ATP13A5: variants seen among roughly 807,000 people sequenced by gnomAD.
The protein encoded by ATP13A5 is ATPase 13A5.
ATP13A5 carries 149 observed loss-of-function variants against 150.2 expected under a neutral mutation model. The observed-to-expected ratio is 0.99, with a 90% CI of 0.87 to 1.14. The LOEUF is 1.14. Among genes scored for constraint, ATP13A5 ranks in the 50% most tolerant of loss-of-function variants. The pLI is 0.00. For synonymous variants in ATP13A5, 497 were observed against 522.2 expected, an observed-to-expected ratio of 0.95 and a Z score of 0.66; for missense variants, 1,383 against 1,449.3, an observed-to-expected ratio of 0.95 and a Z score of 0.74.
intron 1 of ATP13A5, among the ~76,000 whole-genome samples, chr3:193,370,125 C>A (rs1713389939): frequency 6.6e-6 from 1 of 152,192 alleles, no homozygotes; most frequent in Non-Finnish European, 1.5e-5. Context: ...TGTTCCTTTA[C>A]ATTTTTGTTT....
At chr3:193,344,961 T>A (rs765166993) in intron 8 of ATP13A5, 42 bp downstream of exon 8, 1 of 1,540,230 alleles carries the variant, frequency 6.5e-7, no homozygotes, top group South Asian at 1.1e-5. Context: ...AATTCCCCCC[T>A]GAAATATTAA....
intron 10 of ATP13A5, 88 bp from the exon 11 acceptor site, chr3:193,333,995 G>T (rs1200599021): frequency 1.6e-6 from 2 of 1,245,862 alleles, no homozygotes; most frequent in African/African-American, 1.5e-5. Flanking sequence ...GAGGAAAAGA[G>T]TAGAGTGTCC....
chr3:193,352,241 T>C (rs1237265144), intron 6 of ATP13A5, among the ~76,000 whole-genome samples: 2 of 152,244 alleles, frequency 1.3e-5, no homozygotes, highest in African/African-American at 2.4e-5. Context: ...TTAAAAAAGA[T>C]TTTGTTCCTT....
chr3:193,327,340 G>A (rs959411318), intron 12 of ATP13A5, among the ~76,000 whole-genome samples: 6 of 152,180 alleles, frequency 3.9e-5, no homozygotes, highest in Non-Finnish European at 5.9e-5. Context: ...GTATTGCTAT[G>A]ACCGTTGCTG....
chr3:193,285,238 T>TAC lies in ATP13A5; in HGVS notation c.3024-124_3024-123dup, dbSNP rs1030591380. Reference sequence around the variant, plus strand: ...CTTTCAAACTATGTCAGCCAGTAACTACCAAGACATACTTTGTTCACCTCT... The same window carrying TAC: ...CTTTCAAACTATGTCAGCCAGTAACTACACCAAGACATACTTTGTTCACCTCT... On this transcript the variant is annotated intron_variant, in intron 26 of 29. Transcript: ENST00000342358. 4 of 727,610 alleles carry TAC rather than the reference T, an allele frequency of 5.5e-6. No individual in the cohort carries two copies. The African/African-American group carries it at 7.2e-5, about 13-fold the overall frequency. 45.1% of individuals were successfully genotyped at this position (727,610 alleles called of 1,614,324 possible). A position where few individuals can be genotyped will look rare whatever the true frequency, so the allele number is the denominator to read the frequency against.
At chr3:193,310,758 A>C (rs1324032179) in intron 20 of ATP13A5, 41 bp from the exon 21 acceptor site, 2 of 1,506,988 alleles carry the variant, frequency 1.3e-6, no homozygotes, top group Admixed American at 2.1e-5. Context: ...ATTGGGAAGA[A>C]GAAAACTTTT....
At position 193,307,255 on chromosome 3, in the gene ATP13A5, C is replaced by A. The variant is rs902248032; in HGVS notation, c.2568+72G>T. On this transcript the variant is annotated intron_variant, in intron 22 of 29. Coordinates refer to ENST00000342358, the MANE Select transcript of ATP13A5 (RefSeq NM_198505.4). ...TGGTGGAAGGATGAAGAGACAAACCCCAGGAGAGCCTGAGGTCCTCCAGAG... is the reference window on the plus strand; with the variant it reads ...TGGTGGAAGGATGAAGAGACAAACCACAGGAGAGCCTGAGGTCCTCCAGAG... 2.5e-5 allele frequency: 40 copies of A among 1,609,154 alleles called. No homozygotes were observed. The Middle Eastern group carries it at 4.0e-3, about 159-fold the overall frequency.
intron 25 of ATP13A5, among the ~76,000 whole-genome samples, chr3:193,292,872 T>A (rs943060485): frequency 6.6e-6 from 1 of 152,102 alleles, no homozygotes; most frequent in Non-Finnish European, 1.5e-5. Context: ...ATATTCTGAC[T>A]TTTTCCATGT....
chr3:193,343,277 A>G (rs981869144), intron 9 of ATP13A5, among the ~76,000 whole-genome samples: 1 of 152,212 alleles, frequency 6.6e-6, no homozygotes, highest in South Asian at 2.1e-4. Flanking sequence ...CCTAAAGAAT[A>G]TTTTATAAGT....
At chr3:193,356,285 A>G (rs1177442359) in intron 5 of ATP13A5, among the ~76,000 whole-genome samples, 1 of 152,212 alleles carries the variant, frequency 6.6e-6, no homozygotes, top group Non-Finnish European at 1.5e-5. Context: ...GCAAAAAAAA[A>G]AAAGACTGTA....
At chr3:193,290,739 G>A (rs114048065) in intron 25 of ATP13A5, among the ~76,000 whole-genome samples, 1,983 of 152,170 alleles carry the variant, frequency 0.013, 38 homozygotes, top group African/African-American at 0.044. Context: ...AATTTAAAGC[G>A]TTTGGAAATG....
At position 193,331,186 on chromosome 3, in the gene ATP13A5, G is replaced by T. The variant is rs755382999; in HGVS notation, c.1398C>A (p.Ile466=). ...TGATTCTCTGTGGGGAGATACAGAA[G>T]ATTTTCTTTTTCTTCAGTCTCTTCT... is the stretch of plus-strand genomic sequence containing the variant. ...YAQKRLKKKK[I]FCISPQRINM... is the part of the protein sequence containing the mutation. The change falls in exon 12 of 30, where the codon ATC becomes ATA. Residue 466 remains isoleucine (I), a synonymous_variant. Transcript: ENST00000342358. The T allele has an allele frequency of 6.2e-7, 1 of 1,613,954 alleles. No homozygotes were observed. Among genetic ancestry groups the T allele is most frequent in the African/African-American group, 1.3e-5 (1 of 74,922 alleles).
intron 27 of ATP13A5, 88 bp from the exon 28 acceptor site, chr3:193,279,542 G>T: frequency 1.0e-6 from 1 of 970,758 alleles, no homozygotes; most frequent in Non-Finnish European, 1.6e-6. Flanking sequence ...ATCTCTGTTG[G>T]GCAAATACCA....
chr3:193,276,817 A>G lies in ATP13A5; in HGVS notation c.3329T>C (p.Ile1110Thr), dbSNP rs764940133. ...IYRGMELIPTITSWRVLILVV... is the reference protein window; with the variant it reads ...IYRGMELIPTTTSWRVLILVV... ...CAAAATTAAAACCCTCCACGATGTT[A>G]TGGTTGGGATCAACTGTTGAAAAAC... The change falls in exon 29 of 30, where the codon ATA becomes ACA. Residue 1110 changes from isoleucine to threonine, a missense_variant. Around this residue, in one of 3 missense-constraint regions of ATP13A5, gnomAD observed 568 missense variants for 621.5 expected, o/e 0.91. Coordinates refer to ENST00000342358, the MANE Select transcript of ATP13A5 (RefSeq NM_198505.4). The G allele has an allele frequency of 1.9e-6, 3 of 1,613,426 alleles. No individual in the cohort carries two copies. Among genetic ancestry groups the G allele is most frequent in the East Asian group, 2.2e-5 (1 of 44,852 alleles).
chr3:193,290,207 C>T (rs1441952309), intron 25 of ATP13A5, 148 bp from the exon 26 acceptor site: 3 of 700,882 alleles, frequency 4.3e-6, no homozygotes, highest in South Asian at 4.6e-5. Flanking sequence ...AAGCACATTG[C>T]CTGGTGGCAC....
chr3:193,314,089 G>A lies in ATP13A5; in HGVS notation c.2263C>T (p.Pro755Ser). The stretch of plus-strand genomic sequence containing the variant: ...ACCAGCTGCCAGGTCACAGAGGCAG[G>A]AACAAATTCTTCTGGTTCATCGGCC... ...VEADEPEEFVPASVTWQLVEN... is the reference protein window; with the variant it reads ...VEADEPEEFVSASVTWQLVEN... The change falls in exon 19 of 30, where the codon CCT (proline) becomes TCT (serine). Residue 755 changes from proline (P) to serine (S), a missense_variant. Physicochemically the swap from Pro to Ser is moderately conservative, Grantham distance 74. Transcript: ENST00000342358. 1 of 1,613,910 alleles carries A rather than the reference G, an allele frequency of 6.2e-7. No individual in the cohort carries two copies. The highest frequency in any genetic ancestry group is 8.5e-7 in the Non-Finnish European group (1 of 1,179,904).
chr3:193,328,089 C>T (rs1255250543), intron 12 of ATP13A5, among the ~76,000 whole-genome samples: 1 of 152,162 alleles, frequency 6.6e-6, no homozygotes, highest in Non-Finnish European at 1.5e-5. Flanking sequence ...ACTGAGTTAA[C>T]AGGGTGGAGG....
In ATP13A5 at chr3:193,338,152, T is replaced by C. The variant is rs185168579; in HGVS notation, c.944-3053A>G. 9.2e-5 allele frequency among the ~76,000 whole-genome samples: 14 copies of C among 152,344 alleles called. No individual in the cohort carries two copies. The East Asian group carries it at 2.5e-3, about 27-fold the overall frequency. On this transcript the variant is annotated intron_variant, in intron 9 of 29. Coordinates refer to ENST00000342358, the MANE Select transcript of ATP13A5 (RefSeq NM_198505.4). ...TTTGTGCTGAGACGATGGGGTTTTC[T>C]AAATATACAATCATGTCATCTGCAA...
chr3:193,327,234 G>A lies in ATP13A5; in HGVS notation c.1462-177C>T, dbSNP rs969915651. Among the ~76,000 whole-genome samples the A allele has an allele frequency of 3.9e-5, 6 of 152,242 alleles. No individual in the cohort carries two copies. In the East Asian group the frequency reaches 1.2e-3, roughly 29 times the overall value. On this transcript the variant is annotated intron_variant, in intron 12 of 29. Coordinates refer to ENST00000342358, the MANE Select transcript of ATP13A5 (RefSeq NM_198505.4). ...TACCCACAAGAAAAATTAAGCAGGT[G>A]ATACATGATCCCCAAAAGACCATGT...
Sources: gnomAD v4.1 joint callset for allele counts (sites outside exome capture counted in the v4.1 genomes callset) on GRCh38, gnomAD v4.1.1 for gene constraint, gnomAD v4.1.1 regional missense constraint, MANE v1.5 for transcripts, NCBI Gene and HGNC (gene_info 2026-07-23, HGNC 2026-07-21) for gene names.